NCAM2: variants seen among roughly 807,000 people sequenced by gnomAD.
NCAM2 encodes the protein neural cell adhesion molecule 2, also known as N-CAM-2.
Under a neutral mutation model 98.1 loss-of-function variants are expected in NCAM2, and 30 were observed. The ratio of observed to expected loss-of-function variants is 0.31; its 90% CI spans 0.23 to 0.41. NCAM2 has a LOEUF of 0.41. NCAM2 is among the 10% of genes least tolerant of loss of function. The pLI is 1.00. For missense variants in NCAM2, 867 were observed against 1,005.8 expected (o/e 0.86, Z 1.87); for synonymous variants, 368 against 342.4 (o/e 1.07, Z -0.83).
At chr21:21,265,357 T>G (rs1410413369) in intron 1 of NCAM2, among the ~76,000 whole-genome samples, 2 of 104,402 alleles carry the variant, frequency 1.9e-5, no homozygotes, top group African/African-American at 7.1e-5. Flanking sequence ...TATGTATATA[T>G]TATATTATAT....
chr21:21,280,458 G>T, intron 1 of NCAM2, 120 bp from the exon 2 acceptor site: 1 of 615,978 alleles, frequency 1.6e-6, no homozygotes, highest in Non-Finnish European at 2.8e-6. Flanking sequence ...TTCTTTATAG[G>T]TAATAAAAAA....
chr21:21,158,576 G>T (rs1483624626), intron 1 of NCAM2, among the ~76,000 whole-genome samples: 1 of 149,942 alleles, frequency 6.7e-6, no homozygotes, highest in Non-Finnish European at 1.5e-5. Flanking sequence ...CTGCTTTCCA[G>T]CCTGGCGACA....
At chr21:21,251,389 T>C (rs1246239204) in intron 1 of NCAM2, among the ~76,000 whole-genome samples, 1 of 151,990 alleles carries the variant, frequency 6.6e-6, no homozygotes, top group Non-Finnish European at 1.5e-5. Flanking sequence ...CTCCCACTTA[T>C]GAGTGAGAAC....
At chr21:21,284,961 C>T (rs1281003512) in intron 3 of NCAM2, among the ~76,000 whole-genome samples, 1 of 151,598 alleles carries the variant, frequency 6.6e-6, no homozygotes, top group Non-Finnish European at 1.5e-5. Flanking sequence ...TTCCTTTCTC[C>T]TCCTTATATT....
At chr21:21,046,062 T>A (rs538318127) in intron 1 of NCAM2, among the ~76,000 whole-genome samples, 14 of 152,304 alleles carry the variant, frequency 9.2e-5, no homozygotes, top group Admixed American at 9.2e-4. Flanking sequence ...CTTATGATCA[T>A]AATGATGCTT....
intron 12 of NCAM2, among the ~76,000 whole-genome samples, chr21:21,436,507 A>G (rs1290197919): frequency 3.9e-5 from 6 of 152,306 alleles, no homozygotes; most frequent in South Asian, 2.1e-4. Flanking sequence ...ATAACATATT[A>G]TATTTTATGG....
intron 12 of NCAM2, among the ~76,000 whole-genome samples, chr21:21,437,623 C>T (rs1020855883): frequency 3.9e-5 from 6 of 151,992 alleles, no homozygotes; most frequent in Non-Finnish European, 8.8e-5. Context: ...CAAAACCAAT[C>T]TTGTACATCA....
intron 1 of NCAM2, among the ~76,000 whole-genome samples, chr21:21,049,227 G>C (rs1469498889): frequency 6.8e-6 from 1 of 147,310 alleles, no homozygotes; most frequent in Non-Finnish European, 1.5e-5. Flanking sequence ...CACCTTGTTA[G>C]CCAGGATAGT....
At chr21:21,073,657 C>T (rs2065619468) in intron 1 of NCAM2, among the ~76,000 whole-genome samples, 1 of 152,242 alleles carries the variant, frequency 6.6e-6, no homozygotes, top group African/African-American at 2.4e-5. Context: ...TTTCACTGTA[C>T]CTTTAACATA....
intron 5 of NCAM2, among the ~76,000 whole-genome samples, chr21:21,307,817 C>A (rs373038044): frequency 2.2e-4 from 34 of 152,212 alleles, no homozygotes; most frequent in East Asian, 2.1e-3. Context: ...TCTCTTCTGC[C>A]TTCCTCTTCT....
intron 1 of NCAM2, among the ~76,000 whole-genome samples, chr21:21,038,018 G>A (rs997540466): frequency 6.6e-6 from 1 of 152,104 alleles, no homozygotes; most frequent in Non-Finnish European, 1.5e-5. Flanking sequence ...CTTTGCACAT[G>A]ACATTATGAA....
At chr21:21,460,421 T>C (rs1035299760) in intron 12 of NCAM2, among the ~76,000 whole-genome samples, 5 of 151,924 alleles carry the variant, frequency 3.3e-5, no homozygotes, top group African/African-American at 4.8e-5. Context: ...TTAGTTCTGG[T>C]ATTAAATGAA....
At chr21:21,412,766 ATG>A (rs2076913390) in intron 10 of NCAM2, among the ~76,000 whole-genome samples, 1 of 152,208 alleles carries the variant, frequency 6.6e-6, no homozygotes, top group Admixed American at 6.5e-5. Context: ...AAAAATATAA[ATG>A]TGTGATTAAC....
intron 1 of NCAM2, among the ~76,000 whole-genome samples, chr21:21,011,872 C>T (rs1333803617): frequency 1.3e-5 from 2 of 151,706 alleles, no homozygotes; most frequent in Admixed American, 6.6e-5. Flanking sequence ...TGGTCAAAGG[C>T]ATACAAAAAA....
chr21:21,217,068 A>G (rs749939005), intron 1 of NCAM2, among the ~76,000 whole-genome samples: 3 of 152,200 alleles, frequency 2.0e-5, no homozygotes, highest in African/African-American at 7.2e-5. Flanking sequence ...TAAGGGGTAT[A>G]CATAGCACAG....
At chr21:21,186,768 A>G (rs1159459997) in intron 1 of NCAM2, among the ~76,000 whole-genome samples, 1 of 152,188 alleles carries the variant, frequency 6.6e-6, no homozygotes, top group Non-Finnish European at 1.5e-5. Flanking sequence ...AGCTTTATTT[A>G]TATATCTTTG....
chr21:21,505,697 T>C (rs1340271592), intron 15 of NCAM2, among the ~76,000 whole-genome samples: 1 of 152,018 alleles, frequency 6.6e-6, no homozygotes, highest in South Asian at 2.1e-4. Flanking sequence ...TACAGAATAG[T>C]TTAATGTTTA....
At chr21:21,123,191 C>T (rs2066711381) in intron 1 of NCAM2, among the ~76,000 whole-genome samples, 1 of 151,910 alleles carries the variant, frequency 6.6e-6, no homozygotes, top group Non-Finnish European at 1.5e-5. Flanking sequence ...GTCAGCAGGT[C>T]GAGACCATCC....
intron 12 of NCAM2, among the ~76,000 whole-genome samples, chr21:21,437,911 A>T (rs1309614320): frequency 8.1e-6 from 1 of 123,694 alleles, no homozygotes; most frequent in Non-Finnish European, 1.8e-5. Context: ...TAAAGCACAT[A>T]TTATATATAT....
Sources: gnomAD v4.1 joint callset for allele counts (sites outside exome capture counted in the v4.1 genomes callset) on GRCh38, gnomAD v4.1.1 for gene constraint, MANE v1.5 for transcripts, NCBI Gene and HGNC (gene_info 2026-07-23, HGNC 2026-07-21) for gene names.